The following C22orf31 variants were observed in gnomAD, a reference collection of about 807,000 sequenced individuals.
C22orf31 encodes uncharacterized protein C22orf31.
Under a neutral mutation model 15.0 loss-of-function variants are expected in C22orf31, and 11 were observed. That is an observed-to-expected ratio of 0.73 (90% CI 0.46 to 1.21). C22orf31 has a LOEUF of 1.21. Ranked by LOEUF, C22orf31 falls within the 50% of genes most tolerant of loss-of-function variation. The pLI is 0.00. For missense variants in C22orf31, 340 were observed against 347.2 expected, an observed-to-expected ratio of 0.98 and a Z score of 0.17; for synonymous variants, 132 against 133.3, an observed-to-expected ratio of 0.99 and a Z score of 0.07.
the C22orf31 span, among the ~76,000 whole-genome samples, chr22:29,067,506 A>T: frequency 6.6e-6 from 1 of 152,016 alleles, no homozygotes; most frequent in Non-Finnish European, 1.5e-5. Context: ...CAGTGACATG[A>T]CCTTGGCTCA....
upstream of C22orf31, among the ~76,000 whole-genome samples, chr22:29,066,534 CTTTTCTTTTTTTTTTTTTTT>C (rs1569305916): frequency 1.2e-4 from 8 of 65,116 alleles, no homozygotes; most frequent in Non-Finnish European, 1.4e-4. Context: ...CTTTTCTTTT[CTTTTCTTTTTTTTTTTTTTT>C]TTTTTTTTTT....
upstream of C22orf31, among the ~76,000 whole-genome samples, chr22:29,066,376 T>C (rs375037398): frequency 3.9e-5 from 6 of 152,086 alleles, no homozygotes; most frequent in African/African-American, 1.4e-4. Context: ...TGATGCAAAC[T>C]CGGAGGACCA....
chr22:29,066,534 C>CTTTTCTTTTTTT (rs2037430881), upstream of C22orf31, among the ~76,000 whole-genome samples: 1 of 65,116 alleles, frequency 1.5e-5, no homozygotes, highest in Non-Finnish European at 3.4e-5. Context: ...CTTTTCTTTT[C>CTTTTCTTTTTTT]TTTTCTTTTT....
chr22:29,066,984 T>G, the C22orf31 span, among the ~76,000 whole-genome samples: 9 of 152,158 alleles, frequency 5.9e-5, no homozygotes, highest in African/African-American at 2.2e-4. Context: ...TTCACCCCCA[T>G]CAGAACAAGC....
chr22:29,060,619 C>T lies in C22orf31; in HGVS notation c.228G>A (p.Leu76=), dbSNP rs1203201178. 6 of 1,614,114 alleles carry T rather than the reference C, an allele frequency of 3.7e-6. No homozygotes were observed. Among genetic ancestry groups the T allele is most frequent in the South Asian group, 1.1e-5 (1 of 91,082 alleles). ...RNPLIASSFS[L]VKLVLRRQLK... The stretch of plus-strand genomic sequence containing the variant: ...GTTGCCGCCTGAGTACAAGCTTAAC[C>T]AGGGAGAAGGAACTGGCAATTAATG... The change falls in exon 2 of 3, where the codon CTG becomes CTA. Residue 76 remains leucine, a synonymous_variant. Transcript: ENST00000216071.
At chr22:29,068,520 C>T in the C22orf31 span, among the ~76,000 whole-genome samples, 1 of 151,374 alleles carries the variant, frequency 6.6e-6, no homozygotes, top group Non-Finnish European at 1.5e-5. Flanking sequence ...ACACCGTTCT[C>T]CTGCCTTAGC....
chr22:29,062,260 T>C (rs532999489), upstream of C22orf31, among the ~76,000 whole-genome samples: 3 of 152,188 alleles, frequency 2.0e-5, no homozygotes, highest in African/African-American at 7.2e-5. Flanking sequence ...CATCCCTACA[T>C]GTGCAAAAGT....
At position 29,058,995 on chromosome 22, in the gene C22orf31, C is replaced by T. The variant is rs1034646156; in HGVS notation, c.620G>A (p.Gly207Asp). The T allele has an allele frequency of 1.2e-6, 2 of 1,614,150 alleles. No homozygotes were observed. Among genetic ancestry groups the T allele is most frequent in the African/African-American group, 2.7e-5 (2 of 75,036 alleles). Residue 207 changes from glycine (G) to aspartate (D), a missense_variant, in exon 3 of 3, where the codon GGT (glycine) becomes GAT (aspartate). Coordinates refer to ENST00000216071, the MANE Select transcript of C22orf31 (RefSeq NM_015370.2). ...AGCCTGGTAACCCTCTGTGGGGAGACCATGGATGGTTAGCGTGTCCTCCGA... is the reference window on the plus strand; with the variant it reads ...AGCCTGGTAACCCTCTGTGGGGAGATCATGGATGGTTAGCGTGTCCTCCGA... The part of the protein sequence containing the change: ...QLSEDTLTIH[G>D]LPTEGYQALY...
At chr22:29,061,634 G>A (rs134558) in intron 1 of C22orf31, among the ~76,000 whole-genome samples, 156 bp downstream of exon 1, 58,914 of 151,918 alleles carry the variant, frequency 0.39, 12,306 homozygotes, top group Non-Finnish European at 0.48. Context: ...ATATACTCTG[G>A]GGACCATAAA....
the C22orf31 span, among the ~76,000 whole-genome samples, chr22:29,073,731 C>A: frequency 6.6e-6 from 1 of 151,048 alleles, no homozygotes; most frequent in Non-Finnish European, 1.5e-5. This position sits in a 1 kb window ranked among gnomAD's most constrained non-coding sequence, Gnocchi z 4.4. Context: ...AAATCCCCAG[C>A]GACTCCCCAC....
intron 2 of C22orf31, among the ~76,000 whole-genome samples, chr22:29,060,194 C>CT (rs60535445): frequency 0.14 from 17,585 of 128,752 alleles, 1,828 homozygotes; most frequent in African/African-American, 0.28. Flanking sequence ...TCATGCCTGG[C>CT]TTTTTTTTTT....
chr22:29,071,538 C>T, the C22orf31 span, among the ~76,000 whole-genome samples: 36 of 151,938 alleles, frequency 2.4e-4, no homozygotes, highest in Non-Finnish European at 4.7e-4. Flanking sequence ...AGTCTGCACA[C>T]TGGTGCAGAT....
At chr22:29,063,999 C>G (rs2037413018), upstream of C22orf31, among the ~76,000 whole-genome samples, 1 of 152,166 alleles carries the variant, frequency 6.6e-6, no homozygotes, top group East Asian at 1.9e-4. Flanking sequence ...TCCCAAGTAG[C>G]TGGGATTATA....
At chr22:29,073,194 C>T in the C22orf31 span, 1 of 1,192,498 alleles carries the variant, frequency 8.4e-7, no homozygotes, top group Non-Finnish European at 1.0e-6. This position sits in a 1 kb window ranked among gnomAD's most constrained non-coding sequence, Gnocchi z 4.4. Flanking sequence ...GGCGGCCCGG[C>T]CCGCGCCTAG....
At chr22:29,062,370 C>T (rs1254748245), upstream of C22orf31, among the ~76,000 whole-genome samples, 6 of 152,090 alleles carry the variant, frequency 3.9e-5, no homozygotes, top group East Asian at 1.2e-3. Context: ...CAGACCTGGG[C>T]ACCTTTCCCT....
chr22:29,065,646 A>G (rs1277767664), upstream of C22orf31, among the ~76,000 whole-genome samples: 3 of 152,248 alleles, frequency 2.0e-5, no homozygotes, highest in Non-Finnish European at 4.4e-5. Context: ...AAAGGGAAGC[A>G]GGTAGCTGAA....
chr22:29,071,227 A>G, the C22orf31 span, among the ~76,000 whole-genome samples: 2 of 152,204 alleles, frequency 1.3e-5, no homozygotes, highest in Non-Finnish European at 2.9e-5. Context: ...CTAAGTTCCA[A>G]TAAGAGGCCC....
chr22:29,064,673 T>A (rs554016789), upstream of C22orf31, among the ~76,000 whole-genome samples: 1 of 116,788 alleles, frequency 8.6e-6, no homozygotes, highest in Non-Finnish European at 1.7e-5. Flanking sequence ...TTTTGCCCAG[T>A]GATTTTTTTT....
chr22:29,061,964 T>C, upstream of C22orf31: 1 of 562,558 alleles, frequency 1.8e-6, no homozygotes. Flanking sequence ...TGTTTAGATG[T>C]GGGCTCAATG....
Sources: allele counts gnomAD v4.1 joint callset (sites outside exome capture counted in the v4.1 genomes callset), GRCh38; gene constraint gnomAD v4.1.1; non-coding constraint Gnocchi (gnomAD v3.1); transcripts MANE v1.5; gene names NCBI Gene and HGNC (gene_info 2026-07-23, HGNC 2026-07-21).